The following MAL variants were observed in gnomAD, a reference collection of about 807,000 sequenced individuals.
MAL encodes the protein mal, T cell differentiation protein (MAL blood group).
Under a neutral mutation model 16.7 loss-of-function variants are expected in MAL, and 5 were observed. That is an observed-to-expected ratio of 0.30 (90% confidence interval 0.16 to 0.63). MAL has a LOEUF of 0.63. Ranked by LOEUF, MAL falls within the 30% of genes least tolerant of loss-of-function variation. MAL has a pLI of 0.82. For synonymous variants in MAL, 96 were observed against 85.5 expected (o/e 1.12, Z -0.67); for missense variants, 202 against 195.8 (o/e 1.03, Z -0.19).
At chr2:95,029,850 C>T (rs978577894) in intron 1 of MAL, among the ~76,000 whole-genome samples, 2 of 152,216 alleles carry the variant, frequency 1.3e-5, no homozygotes, top group Non-Finnish European at 2.9e-5. Context: ...CCTGGACCTT[C>T]CCCGGCCCCT....
At chr2:95,039,701 T>TGAG (rs569429594) in intron 1 of MAL, among the ~76,000 whole-genome samples, 1,497 of 140,764 alleles carry the variant, frequency 0.011, 11 homozygotes, top group South Asian at 0.03. Flanking sequence ...AGTGACTGAG[T>TGAG]GACTGAGTGA....
At chr2:95,038,796 C>CTTGG (rs1674339630) in intron 1 of MAL, among the ~76,000 whole-genome samples, 1 of 132,222 alleles carries the variant, frequency 7.6e-6, no homozygotes, top group Non-Finnish European at 1.6e-5. Context: ...GAGTGAGTGA[C>CTTGG]TGAGTGAGTG....
intron 1 of MAL, among the ~76,000 whole-genome samples, chr2:95,043,714 C>T (rs1291055226): frequency 1.3e-5 from 2 of 152,220 alleles, no homozygotes; most frequent in Admixed American, 6.5e-5. Context: ...GTGCCTTTCC[C>T]GTATCCTCCT....
intron 3 of MAL, 102 bp from the exon 4 acceptor site, chr2:95,053,279 G>T: frequency 1.2e-6 from 1 of 801,704 alleles, no homozygotes. Context: ...CAAGCTCTCT[G>T]GGTCTGGCCC....
intron 1 of MAL, 100 bp from the exon 2 acceptor site, chr2:95,047,859 T>A: frequency 8.4e-7 from 1 of 1,194,482 alleles, no homozygotes; most frequent in Non-Finnish European, 1.2e-6. Context: ...GCTTCCTGTG[T>A]TTTTGCACTC....
chr2:95,045,650 C>T (rs144759450), intron 1 of MAL, among the ~76,000 whole-genome samples: 29 of 152,304 alleles, frequency 1.9e-4, no homozygotes, highest in Admixed American at 1.2e-3. Flanking sequence ...CACGTAGCCA[C>T]CAGGCAAAAG....
intron 2 of MAL, among the ~76,000 whole-genome samples, chr2:95,048,970 C>T (rs1573301603): frequency 6.6e-6 from 1 of 152,152 alleles, no homozygotes; most frequent in Admixed American, 6.5e-5. Context: ...GCATGTGCCA[C>T]CACACCCAGC....
chr2:95,045,424 G>A (rs1374708609), intron 1 of MAL, among the ~76,000 whole-genome samples: 1 of 152,198 alleles, frequency 6.6e-6, no homozygotes, highest in Non-Finnish European at 1.5e-5. Flanking sequence ...CTTGGACACC[G>A]ATGCATGGCT....
At chr2:95,040,538 T>C in intron 1 of MAL, among the ~76,000 whole-genome samples, 1 of 152,176 alleles carries the variant, frequency 6.6e-6, no homozygotes. Context: ...ACCACACAGT[T>C]GTTTTTCTGG....
intron 3 of MAL, chr2:95,053,178 G>A (rs1440265933): frequency 5.7e-6 from 3 of 526,176 alleles, no homozygotes; most frequent in East Asian, 5.6e-5. Flanking sequence ...GAGACTGTTA[G>A]GTCACATGGA....
chr2:95,037,526 A>AGTGAGTG (rs1674262914), intron 1 of MAL, among the ~76,000 whole-genome samples: 1 of 35,812 alleles, frequency 2.8e-5, no homozygotes, highest in African/African-American at 1.1e-4. Context: ...GTGAGTGAGC[A>AGTGAGTG]AGCGAGTGAG....
At chr2:95,026,310 A>C in intron 1 of MAL, 1 of 157,752 alleles carries the variant, frequency 6.3e-6, no homozygotes, top group Non-Finnish European at 1.4e-5. Context: ...AGAAAAAAAA[A>C]TCAGCAAGAG....
intron 1 of MAL, among the ~76,000 whole-genome samples, chr2:95,028,152 C>CAAAAATAA (rs1673989250): frequency 2.5e-5 from 1 of 39,702 alleles, no homozygotes; most frequent in African/African-American, 1.0e-4. Context: ...ACTAAAAATA[C>CAAAAATAA]AAAAAAAAAA....
chr2:95,029,782 C>T (rs1249681180), intron 1 of MAL, among the ~76,000 whole-genome samples: 1 of 152,086 alleles, frequency 6.6e-6, no homozygotes, highest in Non-Finnish European at 1.5e-5. Flanking sequence ...AAGACTCTGC[C>T]TAATTTTGTA....
intron 1 of MAL, among the ~76,000 whole-genome samples, chr2:95,036,030 C>T (rs1276794659): frequency 2.0e-5 from 3 of 152,180 alleles, no homozygotes; most frequent in East Asian, 1.9e-4. Context: ...GATCCAAACC[C>T]GCTGAGTCCT....
At chr2:95,037,692 G>GTAAC in intron 1 of MAL, among the ~76,000 whole-genome samples, 1 of 150,244 alleles carries the variant, frequency 6.7e-6, no homozygotes, top group East Asian at 2.0e-4. Context: ...GAGTGAGTGA[G>GTAAC]TGGGTGAGTG....
Position 95,025,880 on chromosome 2 carries a change from G to C in MAL, c.88G>C (p.Glu30Gln). ...CTTGCCCGACTTGCTCTTCATCTTT[G>C]AGTTTGTGAGTGGCTCCTGGCCGGG... The part of the protein sequence containing the change: ...TTLPDLLFIF[E>Q]FIFGGLVWIL... Residue 30 changes from glutamate to glutamine, a missense_variant, in exon 1 of 4, where the codon GAG becomes CAG. Glu to Gln is a conservative substitution (Grantham distance 29). Transcript: ENST00000309988. This position sits in a 1 kb window ranked among gnomAD's most constrained non-coding sequence, Gnocchi z 5.6. The C allele has an allele frequency of 6.4e-7, 1 of 1,562,540 alleles. No individual in the cohort carries two copies. Among genetic ancestry groups the C allele is most frequent in the Non-Finnish European group, 8.7e-7 (1 of 1,154,376 alleles).
intron 1 of MAL, among the ~76,000 whole-genome samples, chr2:95,028,152 C>CAAAAAAAAAAAAAAAAAAA (rs898443996): frequency 2.5e-5 from 1 of 39,698 alleles, no homozygotes. Context: ...ACTAAAAATA[C>CAAAAAAAAAAAAAAAAAAA]AAAAAAAAAA....
At chr2:95,039,424 GTGAC>G (rs1674381452) in intron 1 of MAL, among the ~76,000 whole-genome samples, 3 of 150,188 alleles carry the variant, frequency 2.0e-5, no homozygotes, top group East Asian at 2.0e-4. Flanking sequence ...GAGTGAGTGA[GTGAC>G]TGAGTGACTG....
Sources: gnomAD v4.1 joint callset for allele counts (sites outside exome capture counted in the v4.1 genomes callset) on GRCh38, gnomAD v4.1.1 for gene constraint, Gnocchi (gnomAD v3.1) non-coding constraint, MANE v1.5 for transcripts, NCBI Gene and HGNC (gene_info 2026-07-23, HGNC 2026-07-21) for gene names.